FIP1L1: variants seen among roughly 807,000 people sequenced by gnomAD.
FIP1L1 encodes the protein factor interacting with PAPOLA and CPSF1, also known as pre-mRNA 3'-end-processing factor FIP1.
FIP1L1 carries 21 observed loss-of-function variants against 84.6 expected under a neutral mutation model. The observed-to-expected ratio is 0.25, with a 90% CI of 0.18 to 0.36. The LOEUF is 0.36. Ranked by LOEUF, FIP1L1 falls within the 10% of genes least tolerant of loss-of-function variation. FIP1L1 has a pLI of 1.00. For synonymous variants in FIP1L1, 263 were observed against 242.3 expected (o/e 1.09, Z -0.80); for missense variants, 526 against 751.1 (o/e 0.70, Z 3.50).
At chr4:53,436,390 ATTGACAGGGC>A (rs1769215281) in intron 13 of FIP1L1, among the ~76,000 whole-genome samples, 1 of 152,166 alleles carries the variant, frequency 6.6e-6, no homozygotes, top group South Asian at 2.1e-4. Context: ...AGGCTGTTGC[ATTGACAGGGC>A]TTCAGTTCCT....
At chr4:53,413,593 T>C (rs1221160773) in intron 10 of FIP1L1, among the ~76,000 whole-genome samples, 1 of 152,124 alleles carries the variant, frequency 6.6e-6, no homozygotes, top group Non-Finnish European at 1.5e-5. Context: ...TTCAGAACTT[T>C]TACTGTTATA....
At chr4:53,443,075 A>C (rs1004050519) in intron 14 of FIP1L1, among the ~76,000 whole-genome samples, 1 of 152,094 alleles carries the variant, frequency 6.6e-6, no homozygotes, top group Non-Finnish European at 1.5e-5. Flanking sequence ...AGGGAAAACT[A>C]TTATGGGACC....
intron 10 of FIP1L1, among the ~76,000 whole-genome samples, chr4:53,400,755 A>G (rs1749797746): frequency 6.6e-6 from 1 of 152,194 alleles, no homozygotes; most frequent in Non-Finnish European, 1.5e-5. Context: ...GTGATCCAGG[A>G]TTTTTGTGAA....
intron 13 of FIP1L1, among the ~76,000 whole-genome samples, chr4:53,433,053 A>G (rs1311565338): frequency 2.6e-5 from 4 of 152,180 alleles, no homozygotes; most frequent in Non-Finnish European, 5.9e-5. Flanking sequence ...CAGTTTTGAA[A>G]TATTTGTTTA....
chr4:53,433,639 A>G (rs1439616124), intron 13 of FIP1L1, among the ~76,000 whole-genome samples: 3 of 152,162 alleles, frequency 2.0e-5, no homozygotes, highest in African/African-American at 7.2e-5. Context: ...GGAACAATTG[A>G]AATGTAGCCC....
chr4:53,410,978 G>C (rs1055478377), intron 10 of FIP1L1, among the ~76,000 whole-genome samples: 4 of 152,150 alleles, frequency 2.6e-5, no homozygotes, highest in African/African-American at 9.7e-5. Context: ...AGGTGGGGGG[G>C]GCTGCTGTAT....
rs1486471957 is a variant in FIP1L1, at chr4:53,390,576, A to G, written c.453A>G (p.Pro151=). The G allele has an allele frequency of 6.2e-7, 1 of 1,613,040 alleles. No individual in the cohort carries two copies. The highest frequency in any genetic ancestry group is 2.2e-5 in the East Asian group (1 of 44,830). ...CACCTGGAAGCATTAATGGAGTTCCACTCTTAGAGGTAGATTTGGATTCTT... is the reference window on the plus strand; with the variant it reads ...CACCTGGAAGCATTAATGGAGTTCCGCTCTTAGAGGTAGATTTGGATTCTT... ...LDAPGSINGV[P]LLEVDLDSFE... is the part of the protein sequence containing the mutation. The change falls in exon 7 of 18, where the codon CCA becomes CCG. Residue 151 remains proline, a synonymous_variant. Transcript: ENST00000337488.
At chr4:53,390,980 T>C in intron 7 of FIP1L1, 29 bp from the exon 8 acceptor site, 1 of 1,544,472 alleles carries the variant, frequency 6.5e-7, no homozygotes, top group South Asian at 1.2e-5. Flanking sequence ...CTGAAATATT[T>C]GTACACTAAA....
At chr4:53,398,022 G>A (rs10032378) in intron 9 of FIP1L1, among the ~76,000 whole-genome samples, 148,918 of 152,304 alleles carry the variant, frequency 0.98, 72,897 homozygotes, top group Middle Eastern at 1. Context: ...AGAACAATGC[G>A]TTTCTTTTTG....
At chr4:53,447,601 A>G (rs568559393) in intron 15 of FIP1L1, among the ~76,000 whole-genome samples, 1 of 152,290 alleles carries the variant, frequency 6.6e-6, no homozygotes, top group South Asian at 2.1e-4. Flanking sequence ...AGAGATAATT[A>G]TACACCCAAG....
intron 11 of FIP1L1, among the ~76,000 whole-genome samples, chr4:53,420,636 A>G (rs1039642592): frequency 6.6e-6 from 1 of 152,166 alleles, no homozygotes; most frequent in African/African-American, 2.4e-5. Flanking sequence ...TTACTCGAAC[A>G]TTAGAATATA....
chr4:53,402,265 AAG>A (rs955696384), intron 10 of FIP1L1, among the ~76,000 whole-genome samples: 1 of 152,208 alleles, frequency 6.6e-6, no homozygotes, highest in African/African-American at 2.4e-5. Flanking sequence ...GGATTAAAGA[AAG>A]AGTGGGAGGA....
At chr4:53,432,481 A>C (rs761141702) in intron 13 of FIP1L1, among the ~76,000 whole-genome samples, 7 of 150,792 alleles carry the variant, frequency 4.6e-5, no homozygotes, top group Admixed American at 6.6e-5. Context: ...AAAATCTGTT[A>C]TTTCATTTTC....
intron 9 of FIP1L1, among the ~76,000 whole-genome samples, chr4:53,396,917 A>AT (rs11388706): frequency 0.98 from 148,893 of 152,300 alleles, 72,875 homozygotes; most frequent in Middle Eastern, 1. Flanking sequence ...CAGATTGAGC[A>AT]TTTTTTAACA....
intron 11 of FIP1L1, among the ~76,000 whole-genome samples, chr4:53,415,332 T>C (rs1759009141): frequency 6.6e-6 from 1 of 152,166 alleles, no homozygotes; most frequent in South Asian, 2.1e-4. Context: ...AGCCTGAAAA[T>C]TGAAATAATA....
chr4:53,438,686 G>GT (rs1295721443), intron 13 of FIP1L1, among the ~76,000 whole-genome samples: 3 of 152,124 alleles, frequency 2.0e-5, no homozygotes, highest in African/African-American at 4.8e-5. Context: ...TACTGCTGTA[G>GT]TAAGATTAAC....
At chr4:53,414,128 A>G (rs1160595661) in intron 10 of FIP1L1, among the ~76,000 whole-genome samples, 1 of 152,182 alleles carries the variant, frequency 6.6e-6, no homozygotes, top group African/African-American at 2.4e-5. Context: ...TTATTTTGAA[A>G]GGGATTTTTT....
At position 53,459,295 on chromosome 4, in the gene FIP1L1, T is replaced by C. The variant is rs1445351223; in HGVS notation, c.1638-7T>C. On this transcript the variant is annotated splice_region_variant and splice_polypyrimidine_tract_variant and intron_variant, in intron 17 of 17. Transcript: ENST00000337488. The stretch of plus-strand genomic sequence containing the variant: ...AACACACCTTTTTTTTTTTTTTTTT[T>C]TTCCAGTAATAGTAGACGTCGCCAT... The C allele has an allele frequency of 1.3e-6, 2 of 1,501,820 alleles. No individual in the cohort carries two copies. The highest frequency in any genetic ancestry group is 1.3e-5 in the South Asian group (1 of 77,514). 93.0% of individuals were successfully genotyped at this position (1,501,820 alleles called of 1,614,324 possible). A position where few individuals can be genotyped will look rare whatever the true frequency, so the allele number is the denominator to read the frequency against.
chr4:53,429,992 C>A (rs762886735), intron 13 of FIP1L1, among the ~76,000 whole-genome samples: 2 of 152,200 alleles, frequency 1.3e-5, no homozygotes, highest in Non-Finnish European at 2.9e-5. Flanking sequence ...TTACTCTCTG[C>A]TTCTATGAGT....
Sources: gnomAD v4.1 joint callset for allele counts (sites outside exome capture counted in the v4.1 genomes callset) on GRCh38, gnomAD v4.1.1 for gene constraint, MANE v1.5 for transcripts, NCBI Gene and HGNC (gene_info 2026-07-23, HGNC 2026-07-21) for gene names.